The following PPP1R14C variants were observed in gnomAD, a reference collection of about 807,000 sequenced individuals.
The protein encoded by PPP1R14C is protein phosphatase 1 regulatory subunit 14C.
In PPP1R14C, 16 loss-of-function variants were observed where a neutral mutation model predicts 20.4. The ratio of observed to expected loss-of-function variants is 0.78; its 90% CI spans 0.53 to 1.19. The LOEUF is 1.19. Ranked by LOEUF, PPP1R14C falls within the 50% of genes most tolerant of loss-of-function variation. The pLI is 0.00. For synonymous variants in PPP1R14C, 91 were observed against 91.0 expected, an observed-to-expected ratio of 1.00 and a Z score of 0.00; for missense variants, 211 against 220.1, an observed-to-expected ratio of 0.96 and a Z score of 0.26.
At chr6:150,222,833 A>G (rs1778186468) in intron 3 of PPP1R14C, among the ~76,000 whole-genome samples, 1 of 117,934 alleles carries the variant, frequency 8.5e-6, no homozygotes, top group Non-Finnish European at 1.6e-5. Context: ...ATGCAGTGGC[A>G]CGATCTCTGC....
rs142066640 is a variant in PPP1R14C, at chr6:150,228,987, A to G, written c.423+12131A>G. On this transcript the variant is annotated intron_variant, in intron 3 of 3. Coordinates refer to ENST00000361131, the MANE Select transcript of PPP1R14C (RefSeq NM_030949.3). ...TTAAAGGGCAGTGGACCCGATTAGC[A>G]TTTTCAAATGATTGACTGTGATTTT... Among the ~76,000 whole-genome samples the G allele has an allele frequency of 9.5e-4, 145 of 152,270 alleles. 3 individuals carry two copies. Among genetic ancestry groups the G allele is most frequent in the African/African-American group, 3.3e-3 (137 of 41,546 alleles).
chr6:150,231,332 T>G (rs1293721928), intron 3 of PPP1R14C, among the ~76,000 whole-genome samples: 1 of 152,322 alleles, frequency 6.6e-6, no homozygotes, highest in East Asian at 1.9e-4. Context: ...TATTAGTATG[T>G]GTGAGTATAA....
chr6:150,203,310 C>A (rs200313155), intron 1 of PPP1R14C, among the ~76,000 whole-genome samples: 1 of 152,198 alleles, frequency 6.6e-6, no homozygotes. Context: ...TGGAATCATG[C>A]GTATGGCAAC....
At position 150,185,472 on chromosome 6, in the gene PPP1R14C, A is replaced by G. The variant is rs147632310; in HGVS notation, c.307-29272A>G. On this transcript the variant is annotated intron_variant, in intron 1 of 3. Transcript: ENST00000361131. The surrounding 1 kb of genome is among the most constrained non-coding windows in gnomAD (Gnocchi z 4.1). ...CCACAGGAATTTCCAGCAACAGTCC[A>G]CTACCATATTCCTAGCACTGAGCAT... is the stretch of plus-strand genomic sequence containing the variant. Among the ~76,000 whole-genome samples the G allele has an allele frequency of 2.0e-3, 297 of 152,244 alleles. 3 individuals are homozygous for G. In the East Asian group the frequency reaches 0.026, roughly 14 times the overall value.
At position 150,143,962 on chromosome 6, in the gene PPP1R14C, C is replaced by T. The variant is rs1777153815; in HGVS notation, c.306+464C>T. Among the ~76,000 whole-genome samples the T allele has an allele frequency of 6.6e-6, 1 of 152,090 alleles. No homozygotes were observed. The highest frequency in any genetic ancestry group is 2.4e-5 in the African/African-American group (1 of 41,428). On this transcript the variant is annotated intron_variant, in intron 1 of 3. Transcript: ENST00000361131. This position sits in a 1 kb window ranked among gnomAD's most constrained non-coding sequence, Gnocchi z 5.6. ...AACGAGCAGGGAAGGAAGGAAGCTG[C>T]CTCGTGGAAAGGAGAGGTTCTGGGG...
chr6:150,148,448 G>A (rs986908303), intron 1 of PPP1R14C, among the ~76,000 whole-genome samples: 1 of 152,222 alleles, frequency 6.6e-6, no homozygotes, highest in South Asian at 2.1e-4. Flanking sequence ...GTTCCCAGAT[G>A]CTGCTGTTAT....
chr6:150,195,907 G>A (rs1777798815), intron 1 of PPP1R14C: 1 of 985,274 alleles, frequency 1.0e-6, no homozygotes, highest in Admixed American at 6.2e-5. Context: ...CAGGTCATGG[G>A]CAGTGATTGG....
intron 3 of PPP1R14C, among the ~76,000 whole-genome samples, chr6:150,228,059 C>G (rs1310270620): frequency 2.6e-5 from 4 of 152,184 alleles, no homozygotes; most frequent in Non-Finnish European, 5.9e-5. Flanking sequence ...TCTTCACTGC[C>G]TTTTCCTGAA....
intron 3 of PPP1R14C, among the ~76,000 whole-genome samples, chr6:150,219,596 A>G (rs1210688314): frequency 6.6e-6 from 1 of 152,028 alleles, no homozygotes; most frequent in Non-Finnish European, 1.5e-5. Context: ...AACATGTAAC[A>G]TATTTCCTGA....
chr6:150,219,949 G>A (rs572238158), intron 3 of PPP1R14C, among the ~76,000 whole-genome samples: 11 of 152,164 alleles, frequency 7.2e-5, no homozygotes, highest in East Asian at 3.9e-4. Flanking sequence ...CCTGCCTTCC[G>A]GGTTCAAGCG....
At chr6:150,174,406 T>G (rs73605988) in intron 1 of PPP1R14C, among the ~76,000 whole-genome samples, 1 of 149,504 alleles carries the variant, frequency 6.7e-6, no homozygotes, top group Non-Finnish European at 1.5e-5. Flanking sequence ...TTAGTAGAGA[T>G]GGGGTTTCAC....
Position 150,249,584 on chromosome 6 carries a change from C to A in PPP1R14C, c.*764C>A, listed in dbSNP as rs1778536862. 1 of 398,326 alleles carries A rather than the reference C, an allele frequency of 2.5e-6. No individual in the cohort carries two copies. Among genetic ancestry groups the A allele is most frequent in the Non-Finnish European group, 4.4e-6 (1 of 226,048 alleles). 24.7% of individuals were successfully genotyped at this position (398,326 alleles called of 1,614,324 possible). On this transcript the variant is annotated 3_prime_UTR_variant, in exon 4 of 4. Coordinates refer to ENST00000361131, the MANE Select transcript of PPP1R14C (RefSeq NM_030949.3). The stretch of plus-strand genomic sequence containing the variant: ...TTGTAGTCTTTTAAAGTTGTATGAA[C>A]CCTTAATTTGAAGAACTAACTTGAT...
chr6:150,148,862 G>A (rs1301457981), intron 1 of PPP1R14C, among the ~76,000 whole-genome samples: 1 of 152,086 alleles, frequency 6.6e-6, no homozygotes, highest in Admixed American at 6.6e-5. Flanking sequence ...CCAGGAGTTG[G>A]AGACCAGCCT....
At position 150,248,792 on chromosome 6, in the gene PPP1R14C, T is replaced by C. The variant is rs1562279673; in HGVS notation, c.470T>C (p.Leu157Pro). The stretch of plus-strand genomic sequence containing the variant: ...TCTCGGATAAGAGGCATGAGGAAAC[T>C]GAGCCCTCCGCAGAAGAAGAGTGTA... ...LLSRIRGMRKLSPPQKKSV is the reference protein window; with the variant it reads ...LLSRIRGMRKPSPPQKKSV Residue 157 changes from leucine (L) to proline (P), a missense_variant, in exon 4 of 4, where the codon CTG becomes CCG. Transcript: ENST00000361131. The C allele has an allele frequency of 3.1e-6, 5 of 1,613,242 alleles. No individual in the cohort carries two copies. Among genetic ancestry groups the C allele is most frequent in the Non-Finnish European group, 3.4e-6 (4 of 1,179,242 alleles).
intron 1 of PPP1R14C, among the ~76,000 whole-genome samples, chr6:150,167,125 G>A (rs1777430917): frequency 6.6e-6 from 1 of 152,210 alleles, no homozygotes; most frequent in Non-Finnish European, 1.5e-5. Flanking sequence ...CCAGCACTTT[G>A]GGAGGCCGAG....
chr6:150,216,600 A>G (rs1465004529), intron 2 of PPP1R14C, among the ~76,000 whole-genome samples: 1 of 152,152 alleles, frequency 6.6e-6, no homozygotes, highest in African/African-American at 2.4e-5. Context: ...AAAAACTTCT[A>G]TGTAGCACAT....
rs144627767 is a variant in PPP1R14C, at chr6:150,161,815, T to C, written c.306+18317T>C. ...GAGGTTGTTGCATACATTTGTAATA[T>C]AGATAGATTGTTTTGTCACATTCTG... On this transcript the variant is annotated intron_variant, in intron 1 of 3. Coordinates refer to ENST00000361131, the MANE Select transcript of PPP1R14C (RefSeq NM_030949.3). Among the ~76,000 whole-genome samples the C allele has an allele frequency of 6.6e-3, 1,012 of 152,352 alleles. 10 individuals carry two copies. Among genetic ancestry groups the C allele is most frequent in the African/African-American group, 0.022 (930 of 41,580 alleles).
intron 1 of PPP1R14C, among the ~76,000 whole-genome samples, chr6:150,187,262 T>TGTGTGA (rs1408577511): frequency 6.7e-6 from 1 of 148,700 alleles, no homozygotes; most frequent in East Asian, 1.9e-4. Flanking sequence ...TGTGTGTGTG[T>TGTGTGA]GTGTGTGTGT....
At chr6:150,195,780 C>G in intron 1 of PPP1R14C, 1 of 958,210 alleles carries the variant, frequency 1.0e-6, no homozygotes. Flanking sequence ...ATCTCCCGAA[C>G]TTTCTCATCT....
Sources: allele counts gnomAD v4.1 joint callset (sites outside exome capture counted in the v4.1 genomes callset), GRCh38; gene constraint gnomAD v4.1.1; non-coding constraint Gnocchi (gnomAD v3.1); transcripts MANE v1.5; gene names NCBI Gene and HGNC (gene_info 2026-07-23, HGNC 2026-07-21).